Variants in DMD observed in about 807,000 individuals in gnomAD.
The protein encoded by DMD is dystrophin.
A neutral mutation model predicts 330.1 loss-of-function variants in DMD; 63 were observed. The ratio of observed to expected loss-of-function variants is 0.19; its 90% confidence interval spans 0.16 to 0.24. The LOEUF (loss-of-function observed/expected upper bound fraction) is 0.24, where lower values mean the gene tolerates loss of function less well. Among genes scored for constraint, DMD ranks in the 10% least tolerant of loss-of-function variants. The pLI is 1.00. For synonymous variants in DMD, 1,223 were observed against 959.8 expected, an observed-to-expected ratio of 1.27 and a Z score of -5.07; for missense variants, 3,344 against 2,684.1, an observed-to-expected ratio of 1.25 and a Z score of -5.43.
Position 32,220,744 on chromosome X carries a change from G to C in DMD, c.6291-3681C>G, listed in dbSNP as rs6631520. Reference sequence around the variant, plus strand: ...TAAATTTGTCTCGCTCCATTAATTGGGCTGCCCATGAATGAAGCAAATGGT... The same window carrying C: ...TAAATTTGTCTCGCTCCATTAATTGCGCTGCCCATGAATGAAGCAAATGGT... On this transcript the variant is annotated intron_variant, in intron 43 of 78. Transcript: ENST00000357033. Among the ~76,000 whole-genome samples the C allele has an allele frequency of 0.038, 4,166 of 110,258 alleles. 316 individuals carry two copies. In the East Asian group the frequency reaches 0.46, roughly 12 times the overall value.
chrX:33,264,865 G>T, intron 1 of DMD, among the ~76,000 whole-genome samples: 1 of 110,268 alleles, frequency 9.1e-6, no homozygotes, highest in Non-Finnish European at 1.9e-5. Flanking sequence ...TTCTGAGCTT[G>T]TTATCCTGGC....
intron 37 of DMD, among the ~76,000 whole-genome samples, chrX:32,350,862 C>T (rs2097779295): frequency 9.1e-6 from 1 of 110,440 alleles, no homozygotes; most frequent in African/African-American, 3.3e-5. Flanking sequence ...TTTTTGCAGG[C>T]CATTTGGTGA....
chrX:33,001,647 A>G (rs1282078809), intron 2 of DMD, among the ~76,000 whole-genome samples: 1 of 111,564 alleles, frequency 9.0e-6, no homozygotes, highest in Non-Finnish European at 1.9e-5. Context: ...TTACATAGAA[A>G]AGAATTGGTT....
intron 1 of DMD, among the ~76,000 whole-genome samples, chrX:33,090,105 T>G (rs2095065030): frequency 9.0e-6 from 1 of 111,300 alleles, no homozygotes; most frequent in Admixed American, 9.7e-5. Flanking sequence ...ATATGTTTAT[T>G]AAAGGAAATT....
At chrX:31,510,731 G>C (rs772310657) in intron 55 of DMD, among the ~76,000 whole-genome samples, 32 of 109,596 alleles carry the variant, frequency 2.9e-4, no homozygotes, top group African/African-American at 4.7e-4. Context: ...GGATGGTCTC[G>C]ATCTCCTGAC....
At chrX:31,307,055 C>A (rs2055094298) in intron 62 of DMD, among the ~76,000 whole-genome samples, 1 of 111,565 alleles carries the variant, frequency 9.0e-6, no homozygotes, top group East Asian at 2.8e-4. Flanking sequence ...CAGTGTTCCT[C>A]TGCTCATCTC....
chrX:32,272,838 C>A (rs1466335755), intron 43 of DMD, among the ~76,000 whole-genome samples: 1 of 111,905 alleles, frequency 8.9e-6, no homozygotes, highest in African/African-American at 3.2e-5. Flanking sequence ...AATTTCAGTA[C>A]ATTGTCATAA....
intron 63 of DMD, among the ~76,000 whole-genome samples, chrX:31,253,189 C>T: frequency 9.0e-6 from 1 of 111,210 alleles, no homozygotes; most frequent in East Asian, 2.8e-4. Context: ...AAATGAAGAC[C>T]AATAGAAAGC....
At chrX:33,019,926 T>C (rs1488810590) in intron 2 of DMD, among the ~76,000 whole-genome samples, 1 of 111,766 alleles carries the variant, frequency 8.9e-6, no homozygotes. Flanking sequence ...ATCAAAGATA[T>C]ACATTTTATA....
chrX:33,043,822 T>C (rs1220243572), intron 1 of DMD, among the ~76,000 whole-genome samples: 1 of 107,328 alleles, frequency 9.3e-6, no homozygotes, highest in Non-Finnish European at 1.9e-5. Flanking sequence ...CTCCTAATGC[T>C]ATCCCTCCCC....
chrX:31,507,055 T>C (rs2147172626), intron 56 of DMD, among the ~76,000 whole-genome samples: 1 of 111,997 alleles, frequency 8.9e-6, no homozygotes, highest in African/African-American at 3.2e-5. Flanking sequence ...AATATGCATG[T>C]CTCCTATGTT....
intron 51 of DMD, among the ~76,000 whole-genome samples, chrX:31,731,390 A>ACT (rs2086494960): frequency 9.0e-6 from 1 of 111,012 alleles, no homozygotes; most frequent in Non-Finnish European, 1.9e-5. Context: ...AGAATGTGAA[A>ACT]CTCTGGTCAT....
intron 42 of DMD, among the ~76,000 whole-genome samples, chrX:32,291,037 C>G (rs2097465607): frequency 9.0e-6 from 1 of 111,435 alleles, no homozygotes. Flanking sequence ...ACACGCAAAG[C>G]TAGGTAACAA....
intron 55 of DMD, among the ~76,000 whole-genome samples, chrX:31,541,414 G>A (rs2073806347): frequency 9.2e-6 from 1 of 108,873 alleles, no homozygotes; most frequent in Admixed American, 9.8e-5. Context: ...ATGTATACAT[G>A]TGCCATGTTG....
At chrX:31,324,106 A>C (rs996113508) in intron 61 of DMD, among the ~76,000 whole-genome samples, 4 of 111,637 alleles carry the variant, frequency 3.6e-5, no homozygotes, top group African/African-American at 1.3e-4. Context: ...AAGCTAAAGT[A>C]ATATGCTTAT....
chrX:32,178,378 C>G (rs1479758653), intron 44 of DMD, among the ~76,000 whole-genome samples: 4 of 108,190 alleles, frequency 3.7e-5, no homozygotes, highest in Non-Finnish European at 7.6e-5. Context: ...GTGTAAGATG[C>G]ATAGATATTT....
At chrX:32,062,076 G>A (rs778560264) in intron 44 of DMD, among the ~76,000 whole-genome samples, 145 of 110,773 alleles carry the variant, frequency 1.3e-3, no homozygotes, top group African/African-American at 4.4e-3. Flanking sequence ...AAATCTCCTG[G>A]AAAATATGTG....
intron 1 of DMD, among the ~76,000 whole-genome samples, chrX:33,102,282 G>A (rs923471829): frequency 3.8e-5 from 4 of 104,324 alleles, no homozygotes; most frequent in Non-Finnish European, 7.8e-5. Context: ...AACTTCCAAA[G>A]AGGAGATATT....
rs138415107 is a variant in DMD, at chrX:31,376,999, C to T, written c.9085-28365G>A. On this transcript the variant is annotated intron_variant, in intron 60 of 78. Coordinates refer to ENST00000357033, the MANE Select transcript of DMD (RefSeq NM_004006.3). ...AGTGCATGGGGAAAAACAAATTGCC[C>T]CATTTGCAAACTTAGTACATATATG... Among the ~76,000 whole-genome samples the T allele has an allele frequency of 2.6e-3, 292 of 112,116 alleles. 2 individuals are homozygous for T. The highest frequency in any genetic ancestry group is 9.0e-3 in the African/African-American group (279 of 30,935).
Sources: allele counts gnomAD v4.1 joint callset (sites outside exome capture counted in the v4.1 genomes callset), GRCh38; gene constraint gnomAD v4.1.1; transcripts MANE v1.5; gene names NCBI Gene and HGNC (gene_info 2026-07-23, HGNC 2026-07-21).